The following MAD1L1 variants were observed in gnomAD, a reference collection of about 807,000 sequenced individuals.
MAD1L1 encodes mitotic spindle assembly checkpoint protein MAD1.
A neutral mutation model predicts 96.9 loss-of-function variants in MAD1L1; 95 were observed. That is an observed-to-expected ratio of 0.98 (90% CI 0.83 to 1.16). MAD1L1 has a LOEUF of 1.16. MAD1L1 is among the 50% of genes most tolerant of loss of function. MAD1L1 has a pLI of 0.00. For synonymous variants in MAD1L1, 473 were observed against 396.6 expected, an observed-to-expected ratio of 1.19 and a Z score of -2.29; for missense variants, 1,007 against 954.4, an observed-to-expected ratio of 1.06 and a Z score of -0.73.
Position 2,119,471 on chromosome 7 carries a change from C to T in MAD1L1, c.1073+29681G>A, listed in dbSNP as rs957190389. Among the ~76,000 whole-genome samples, 11 of 152,166 alleles carry T rather than the reference C, an allele frequency of 7.2e-5. No homozygotes were observed. Among genetic ancestry groups the T allele is most frequent in the Admixed American group, 3.3e-4 (5 of 15,278 alleles). Reference sequence around the variant, plus strand: ...TCTGTAGCTGGCCAAAGCTGGACGACGCCACAAGAGCAGCTCTTTACATCC... The same window carrying T: ...TCTGTAGCTGGCCAAAGCTGGACGATGCCACAAGAGCAGCTCTTTACATCC... On this transcript the variant is annotated intron_variant, in intron 11 of 18. Coordinates refer to ENST00000265854, the MANE Select transcript of MAD1L1 (RefSeq NM_001013836.2). The surrounding 1 kb of genome is among the most constrained non-coding windows in gnomAD (Gnocchi z 4.6).
At chr7:2,207,077 C>CAA (rs201353849) in intron 10 of MAD1L1, among the ~76,000 whole-genome samples, 36 of 55,988 alleles carry the variant, frequency 6.4e-4, no homozygotes, top group Middle Eastern at 8.6e-3. Flanking sequence ...GATTCCGTCT[C>CAA]AAAAAAAAAA....
chr7:2,010,710 G>A (rs1442238987), intron 13 of MAD1L1, among the ~76,000 whole-genome samples: 1 of 152,242 alleles, frequency 6.6e-6, no homozygotes, highest in Non-Finnish European at 1.5e-5. Flanking sequence ...GCTAACGGGT[G>A]GGTGGAAGGG....
At chr7:1,957,480 G>T in intron 16 of MAD1L1, 149 bp downstream of exon 16, 1 of 784,814 alleles carries the variant, frequency 1.3e-6, no homozygotes, top group Non-Finnish European at 2.0e-6. Context: ...TCCCTGCCAG[G>T]CAAGGGGGTG....
chr7:2,116,244 G>C (rs1787684373), intron 11 of MAD1L1, among the ~76,000 whole-genome samples: 1 of 152,254 alleles, frequency 6.6e-6, no homozygotes, highest in Non-Finnish European at 1.5e-5. Flanking sequence ...CGGAGTGCGT[G>C]GGTGCAGCTG....
intron 16 of MAD1L1, among the ~76,000 whole-genome samples, chr7:1,944,266 G>A (rs1016209124): frequency 6.6e-6 from 1 of 152,182 alleles, no homozygotes; most frequent in Non-Finnish European, 1.5e-5. Context: ...TCCTTGAGAG[G>A]GGATCAAAAC....
chr7:2,144,474 T>C (rs55792121), intron 11 of MAD1L1, among the ~76,000 whole-genome samples: 4,046 of 152,206 alleles, frequency 0.027, 93 homozygotes, highest in South Asian at 0.069. Context: ...GCCCCACGCA[T>C]CCCTGCCCGA....
At chr7:2,125,020 T>A (rs1456632112) in intron 11 of MAD1L1, among the ~76,000 whole-genome samples, 2 of 152,140 alleles carry the variant, frequency 1.3e-5, no homozygotes, top group Non-Finnish European at 2.9e-5. Context: ...CTGCTCTGCA[T>A]CCCGGGCCCC....
At chr7:2,111,133 A>C (rs1787356569) in intron 11 of MAD1L1, among the ~76,000 whole-genome samples, 1 of 152,214 alleles carries the variant, frequency 6.6e-6, no homozygotes, top group East Asian at 1.9e-4. Flanking sequence ...AAGAGGAACA[A>C]AGAAGAAACA....
intron 18 of MAD1L1, among the ~76,000 whole-genome samples, chr7:1,832,633 C>CGGGGGGGGG (rs1277645069): frequency 1.0e-3 from 2 of 2,010 alleles, no homozygotes; most frequent in African/African-American, 5.0e-3. Flanking sequence ...TTTTTTTTGG[C>CGGGGGGGGG]GGGGGGGGGG....
rs1447948515 is a variant in MAD1L1 at position 2,228,668 on chromosome 7, T to C, written c.150+1316A>G. On this transcript the variant is annotated intron_variant, in intron 3 of 18. Transcript: ENST00000265854. ...TTATATATATACACACACACATATA[T>C]ATATATATGACCTAATCTCAGAATA... 3.9e-5 allele frequency among the ~76,000 whole-genome samples: 6 copies of C among 152,006 alleles called. No homozygotes were observed. In the South Asian group the frequency reaches 8.3e-4, roughly 21 times the overall value.
intron 11 of MAD1L1, among the ~76,000 whole-genome samples, chr7:2,144,842 G>T (rs895820375): frequency 6.6e-6 from 1 of 152,186 alleles, no homozygotes; most frequent in African/African-American, 2.4e-5. Context: ...AACGAGGCTT[G>T]AGCGTAAACC....
Position 1,898,188 on chromosome 7 carries a change from C to T in MAD1L1, c.1998+12G>A, listed in dbSNP as rs115627299. Reference sequence around the variant, plus strand: ...GCGAGACAGCCGGAGAGCCGTCACACGCAGGACCCACCTTGAAGATGAGGC... The same window carrying T: ...GCGAGACAGCCGGAGAGCCGTCACATGCAGGACCCACCTTGAAGATGAGGC... On this transcript the variant is annotated intron_variant, in intron 18 of 18. Coordinates refer to ENST00000265854, the MANE Select transcript of MAD1L1 (RefSeq NM_001013836.2). 4,715 of 1,596,182 alleles carry T rather than the reference C, an allele frequency of 3.0e-3. 126 individuals are homozygous for T. In the African/African-American group the frequency reaches 0.057, roughly 19 times the overall value.
At chr7:2,151,470 C>G (rs964484600) in intron 10 of MAD1L1, among the ~76,000 whole-genome samples, 1 of 152,244 alleles carries the variant, frequency 6.6e-6, no homozygotes, top group South Asian at 2.1e-4. Context: ...GTACCAGGCC[C>G]CAGGGTTCTC....
At chr7:2,135,554 T>C (rs1312514809) in intron 11 of MAD1L1, among the ~76,000 whole-genome samples, 5 of 152,240 alleles carry the variant, frequency 3.3e-5, no homozygotes, top group Non-Finnish European at 5.9e-5. Context: ...AAAAACTCTT[T>C]GTTTTCGGTA....
intron 16 of MAD1L1, among the ~76,000 whole-genome samples, chr7:1,951,122 A>G (rs1413971903): frequency 6.6e-6 from 1 of 152,256 alleles, no homozygotes; most frequent in Non-Finnish European, 1.5e-5. Context: ...GGTCCCTGCC[A>G]GACTGGCGGA....
chr7:1,948,745 G>C (rs947495409), intron 16 of MAD1L1, among the ~76,000 whole-genome samples: 6 of 152,190 alleles, frequency 3.9e-5, no homozygotes, highest in African/African-American at 1.4e-4. Context: ...TGGTCAGCGG[G>C]GCGGGGACAG....
chr7:1,868,872 C>G (rs1312541857), intron 18 of MAD1L1, among the ~76,000 whole-genome samples: 1 of 152,196 alleles, frequency 6.6e-6, no homozygotes, highest in African/African-American at 2.4e-5. Context: ...CACACCAACC[C>G]TCTGCATGGA....
At chr7:2,008,434 C>T (rs1056064729) in intron 13 of MAD1L1, among the ~76,000 whole-genome samples, 8 of 152,236 alleles carry the variant, frequency 5.3e-5, no homozygotes, top group Admixed American at 2.6e-4. Context: ...TCTGGGTGAC[C>T]GGGTGGAGCC....
At chr7:1,880,859 T>C (rs781618463) in intron 18 of MAD1L1, among the ~76,000 whole-genome samples, 8 of 152,166 alleles carry the variant, frequency 5.3e-5, no homozygotes, top group Non-Finnish European at 1.2e-4. Context: ...AACAGCCCCA[T>C]CTTCCCCGCT....
Sources: gnomAD v4.1 joint callset for allele counts (sites outside exome capture counted in the v4.1 genomes callset) on GRCh38, gnomAD v4.1.1 for gene constraint, Gnocchi (gnomAD v3.1) non-coding constraint, MANE v1.5 for transcripts, NCBI Gene and HGNC (gene_info 2026-07-23, HGNC 2026-07-21) for gene names.